MAN1C1: variants seen among roughly 807,000 people sequenced by gnomAD.
MAN1C1 encodes the protein mannosyl-oligosaccharide 1,2-alpha-mannosidase IC.
Under a neutral mutation model 71.5 loss-of-function variants are expected in MAN1C1, and 49 were observed. That is an observed-to-expected ratio of 0.69 (90% confidence interval 0.54 to 0.87). The LOEUF (loss-of-function observed/expected upper bound fraction) is 0.87. Among genes scored for constraint, MAN1C1 ranks in the 40% least tolerant of loss-of-function variants. The probability of loss-of-function intolerance (pLI) is 0.00; values close to 1 mark genes in which losing one functional copy is unlikely to be tolerated. For missense variants in MAN1C1, 743 were observed against 835.0 expected, an observed-to-expected ratio of 0.89 and a Z score of 1.36; for synonymous variants, 352 against 343.7, an observed-to-expected ratio of 1.02 and a Z score of -0.27.
At chr1:25,628,334 T>A (rs1437958867) in intron 1 of MAN1C1, among the ~76,000 whole-genome samples, 1 of 152,078 alleles carries the variant, frequency 6.6e-6, no homozygotes, top group African/African-American at 2.4e-5. Context: ...TGAGAAGGAG[T>A]TTCGCTCTTG....
At chr1:25,692,666 C>T in intron 2 of MAN1C1, among the ~76,000 whole-genome samples, 1 of 152,200 alleles carries the variant, frequency 6.6e-6, no homozygotes, top group East Asian at 1.9e-4. Flanking sequence ...AAACCCAAGC[C>T]ATAAACTACC....
At chr1:25,770,384 C>T (rs2047533860) in intron 7 of MAN1C1, among the ~76,000 whole-genome samples, 1 of 152,252 alleles carries the variant, frequency 6.6e-6, no homozygotes, top group Non-Finnish European at 1.5e-5. Flanking sequence ...GGCCTCCTCT[C>T]GACCCCCATT....
chr1:25,743,162 T>C (rs1179084963), intron 2 of MAN1C1, among the ~76,000 whole-genome samples: 1 of 152,204 alleles, frequency 6.6e-6, no homozygotes, highest in Non-Finnish European at 1.5e-5. Context: ...AGAGCAGATG[T>C]GTTGCTGGCT....
At chr1:25,637,159 A>T (rs948712279) in intron 1 of MAN1C1, among the ~76,000 whole-genome samples, 1 of 146,100 alleles carries the variant, frequency 6.8e-6, no homozygotes, top group African/African-American at 2.4e-5. Context: ...GTCTCAAAAA[A>T]AAAAATTAAA....
chr1:25,665,631 A>G (rs1262347793), intron 1 of MAN1C1, among the ~76,000 whole-genome samples: 2 of 151,844 alleles, frequency 1.3e-5, no homozygotes, highest in Non-Finnish European at 2.9e-5. Flanking sequence ...GTTTTTGATG[A>G]TTTCCCACCT....
intron 2 of MAN1C1, among the ~76,000 whole-genome samples, chr1:25,690,792 G>T (rs2046297754): frequency 1.3e-5 from 2 of 152,230 alleles, no homozygotes; most frequent in Non-Finnish European, 2.9e-5. Context: ...CAAAGGCTTA[G>T]CCCCGTGCCA....
At chr1:25,695,346 A>G (rs1013454151) in intron 2 of MAN1C1, among the ~76,000 whole-genome samples, 1 of 152,186 alleles carries the variant, frequency 6.6e-6, no homozygotes, top group African/African-American at 2.4e-5. Context: ...GCCAGAGGAT[A>G]TAAAAGTCGG....
chr1:25,764,081 C>G lies in MAN1C1; in HGVS notation c.1141+114C>G. On this transcript the variant is annotated intron_variant, in intron 7 of 11. Transcript: ENST00000374332. This position sits in a 1 kb window ranked among gnomAD's most constrained non-coding sequence, Gnocchi z 4.4. ...GGATGTGTCTGTCAGAGCCATGCAG[C>G]CAGCAAGGCATTCGCTCGGTGCTCC... 1 of 844,512 alleles carries G rather than the reference C, an allele frequency of 1.2e-6. No homozygotes were observed. Among genetic ancestry groups the G allele is most frequent in the Non-Finnish European group, 1.9e-6 (1 of 517,900 alleles). 52.3% of individuals were successfully genotyped at this position (844,512 alleles called of 1,614,324 possible).
chr1:25,749,690 G>A (rs1339570882), intron 4 of MAN1C1, among the ~76,000 whole-genome samples: 1 of 152,192 alleles, frequency 6.6e-6, no homozygotes, highest in Non-Finnish European at 1.5e-5. Flanking sequence ...ACAGGTGCTT[G>A]TATGTTCTCT....
At chr1:25,767,980 CCA>C (rs1185477804) in intron 7 of MAN1C1, among the ~76,000 whole-genome samples, 2 of 115,876 alleles carry the variant, frequency 1.7e-5, no homozygotes, top group South Asian at 3.1e-4. Flanking sequence ...CTCACACACA[CCA>C]CACACACATT....
At chr1:25,624,086 A>G (rs1173902474) in intron 1 of MAN1C1, among the ~76,000 whole-genome samples, 1 of 152,222 alleles carries the variant, frequency 6.6e-6, no homozygotes, top group Non-Finnish European at 1.5e-5. Flanking sequence ...AAACATTTGC[A>G]TAATTTGGGG....
At chr1:25,717,999 T>TACACAC (rs71577794) in intron 2 of MAN1C1, among the ~76,000 whole-genome samples, 6,915 of 148,550 alleles carry the variant, frequency 0.047, 472 homozygotes, top group African/African-American at 0.15. Flanking sequence ...TAGCTTTATT[T>TACACAC]ACACACACAC....
At chr1:25,641,022 C>A (rs2045529804) in intron 1 of MAN1C1, among the ~76,000 whole-genome samples, 1 of 152,226 alleles carries the variant, frequency 6.6e-6, no homozygotes, top group East Asian at 1.9e-4. Context: ...CTCTGGAACT[C>A]GAAGTCGACT....
chr1:25,709,205 T>C (rs1237672453), intron 2 of MAN1C1, among the ~76,000 whole-genome samples: 1 of 152,090 alleles, frequency 6.6e-6, no homozygotes, highest in Non-Finnish European at 1.5e-5. Context: ...TGCCTTGGAT[T>C]GTAGGTGGCA....
intron 1 of MAN1C1, among the ~76,000 whole-genome samples, chr1:25,629,751 T>C (rs904065941): frequency 1.3e-5 from 2 of 152,106 alleles, no homozygotes; most frequent in African/African-American, 4.8e-5. Flanking sequence ...ATTTTTTTTT[T>C]TTCTGATTTG....
chr1:25,618,622 C>T (rs2045154837), intron 1 of MAN1C1, among the ~76,000 whole-genome samples: 1 of 151,988 alleles, frequency 6.6e-6, no homozygotes, highest in Non-Finnish European at 1.5e-5. Flanking sequence ...TCTGGTATGT[C>T]GTATCCAACC....
chr1:25,773,952 C>T (rs763406167), intron 8 of MAN1C1, among the ~76,000 whole-genome samples: 1 of 152,174 alleles, frequency 6.6e-6, no homozygotes, highest in Non-Finnish European at 1.5e-5. Flanking sequence ...GACTGCACCC[C>T]TGACTCAGAA....
At chr1:25,721,605 A>C (rs915817282) in intron 2 of MAN1C1, among the ~76,000 whole-genome samples, 1 of 152,228 alleles carries the variant, frequency 6.6e-6, no homozygotes, top group East Asian at 1.9e-4. Flanking sequence ...AGTATATAAA[A>C]TTACAATTGA....
intron 2 of MAN1C1, among the ~76,000 whole-genome samples, chr1:25,732,555 G>T (rs2046923234): frequency 6.6e-6 from 1 of 152,198 alleles, no homozygotes; most frequent in Non-Finnish European, 1.5e-5. Context: ...CTTCACGCAG[G>T]TTTGCGTCTG....
Sources: allele counts gnomAD v4.1 joint callset (sites outside exome capture counted in the v4.1 genomes callset), GRCh38; gene constraint gnomAD v4.1.1; non-coding constraint Gnocchi (gnomAD v3.1); transcripts MANE v1.5; gene names NCBI Gene and HGNC (gene_info 2026-07-23, HGNC 2026-07-21).